The following BLOC1S3 variants were observed in gnomAD, a reference collection of about 807,000 sequenced individuals.
The protein encoded by BLOC1S3 is biogenesis of lysosome-related organelles complex 1 subunit 3.
BLOC1S3 carries 7 observed loss-of-function variants against 9.1 expected under a neutral mutation model. That is an observed-to-expected ratio of 0.77 (90% CI 0.44 to 1.45). The LOEUF (loss-of-function observed/expected upper bound fraction) is 1.45, where lower values mean the gene tolerates loss of function less well. Ranked by LOEUF, BLOC1S3 falls within the 40% of genes most tolerant of loss-of-function variation. The pLI is 0.01. For synonymous variants in BLOC1S3, 145 were observed against 158.4 expected, an observed-to-expected ratio of 0.92 and a Z score of 0.64; for missense variants, 307 against 315.2, an observed-to-expected ratio of 0.97 and a Z score of 0.20.
chr19:45,202,039 T>C (rs889266635), intron 2 of BLOC1S3, among the ~76,000 whole-genome samples: 9 of 151,654 alleles, frequency 5.9e-5, no homozygotes, highest in East Asian at 1.9e-4. Context: ...CTGGCTAACA[T>C]GGTGAAACCC....
chr19:45,179,099 T>A lies in BLOC1S3; in HGVS notation c.-9-189T>A. ...GTCTTCAGTTTCCCCATCTGTACGC[T>A]GAAGAGCCTGGGGTCCAGTAACCCC... On this transcript the variant is annotated intron_variant, in intron 1 of 1. Coordinates refer to ENST00000433642, the MANE Select transcript of BLOC1S3 (RefSeq NM_212550.5). The surrounding 1 kb of genome is among the most constrained non-coding windows in gnomAD (Gnocchi z 4.6). The A allele has an allele frequency of 1.8e-6, 1 of 553,898 alleles. No individual in the cohort carries two copies. Among genetic ancestry groups the A allele is most frequent in the Non-Finnish European group, 2.9e-6 (1 of 345,492 alleles). The allele number at this position is 553,898 out of a possible 1,614,324, so 34.3% of individuals were successfully genotyped here. A position where few individuals can be genotyped will look rare whatever the true frequency, so the allele number is the denominator to read the frequency against.
At chr19:45,205,676 A>C (rs745794404) in intron 3 of BLOC1S3, among the ~76,000 whole-genome samples, 1 of 152,172 alleles carries the variant, frequency 6.6e-6, no homozygotes, top group Non-Finnish European at 1.5e-5. Context: ...CTGCTCTTCA[A>C]CAAACATTAT....
intron 3 of BLOC1S3, among the ~76,000 whole-genome samples, chr19:45,205,758 T>G (rs573521760): frequency 1.3e-5 from 2 of 152,130 alleles, no homozygotes; most frequent in South Asian, 4.1e-4. Flanking sequence ...AAACAACTAG[T>G]ATCCAGATAT....
At chr19:45,216,578 CAAAAATAAAGAAT>C (rs1336796605) in intron 3 of BLOC1S3, 1 of 153,980 alleles carries the variant, frequency 6.5e-6, no homozygotes, top group East Asian at 1.9e-4. Context: ...GACTCTGTCT[CAAAAATAAAGAAT>C]AAAAATAAAA....
chr19:45,179,653 G>A lies in BLOC1S3; in HGVS notation c.357G>A (p.Arg119=). The A allele has an allele frequency of 1.4e-6, 2 of 1,470,352 alleles. No individual in the cohort carries two copies. Among genetic ancestry groups the A allele is most frequent in the Non-Finnish European group, 1.8e-6 (2 of 1,117,096 alleles). The allele number at this position is 1,470,352 out of a possible 1,614,324, so 91.1% of individuals were successfully genotyped here. The change falls in exon 2 of 2, where the codon CGG becomes CGA. Residue 119 remains arginine, a synonymous_variant. Transcript: ENST00000433642. The surrounding 1 kb of genome is among the most constrained non-coding windows in gnomAD (Gnocchi z 4.6). The part of the protein sequence containing the change: ...LQLRLAESQA[R]LDHDVAAAVS... ...TTCGGCTGGCGGAGAGCCAGGCGCG[G>A]CTGGACCACGACGTGGCGGCCGCCG...
intron 3 of BLOC1S3, among the ~76,000 whole-genome samples, chr19:45,214,970 A>G (rs1969818052): frequency 6.6e-6 from 1 of 151,884 alleles, no homozygotes; most frequent in Admixed American, 6.6e-5. Flanking sequence ...AGTGTGGTCA[A>G]CTTGGTGAAA....
chr19:45,194,398 C>T (rs940367729), intron 2 of BLOC1S3, among the ~76,000 whole-genome samples: 3 of 152,146 alleles, frequency 2.0e-5, no homozygotes, highest in African/African-American at 7.2e-5. Context: ...CAGGCATGAG[C>T]CACCGCGCCC....
chr19:45,197,824 CAAAAAAAAAA>C (rs55654938), intron 2 of BLOC1S3, among the ~76,000 whole-genome samples: 1 of 63,588 alleles, frequency 1.6e-5, no homozygotes, highest in Admixed American at 2.1e-4. Flanking sequence ...GACTCCGTCT[CAAAAAAAAAA>C]AAAAAAAAAA....
chr19:45,212,459 C>T (rs8102712), intron 3 of BLOC1S3, among the ~76,000 whole-genome samples: 38,913 of 151,952 alleles, frequency 0.26, 6,391 homozygotes, highest in Middle Eastern at 0.48. Flanking sequence ...GGGAAAGGGG[C>T]GGGGGAGCTG....
chr19:45,183,642 T>TG (rs1969544655), downstream of BLOC1S3, among the ~76,000 whole-genome samples: 1 of 143,172 alleles, frequency 7.0e-6, no homozygotes, highest in Non-Finnish European at 1.5e-5. Flanking sequence ...TTTTTTTTTT[T>TG]TTGATATGGA....
At chr19:45,210,207 T>C (rs1190128951) in intron 3 of BLOC1S3, among the ~76,000 whole-genome samples, 1 of 150,728 alleles carries the variant, frequency 6.6e-6, no homozygotes, top group Non-Finnish European at 1.5e-5. Context: ...GGAGATTGGA[T>C]ATTAACTACA....
chr19:45,216,315 C>T (rs1370252732), intron 3 of BLOC1S3: 3 of 1,368,468 alleles, frequency 2.2e-6, no homozygotes, highest in Non-Finnish European at 2.9e-6. Context: ...GTGGCTCAAG[C>T]CTGTAATCCC....
chr19:45,195,450 G>T (rs996084224), intron 2 of BLOC1S3, among the ~76,000 whole-genome samples: 15 of 151,560 alleles, frequency 9.9e-5, no homozygotes, highest in African/African-American at 3.6e-4. Context: ...CAAGTGATCC[G>T]CCCACTTTGG....
At chr19:45,212,064 G>C (rs962096747) in intron 3 of BLOC1S3, among the ~76,000 whole-genome samples, 1 of 152,172 alleles carries the variant, frequency 6.6e-6, no homozygotes, top group South Asian at 2.1e-4. Context: ...GCAGCTTCCC[G>C]GCTAAGGATG....
chr19:45,185,682 G>T (rs903780096), downstream of BLOC1S3, among the ~76,000 whole-genome samples: 15 of 151,916 alleles, frequency 9.9e-5, no homozygotes, highest in African/African-American at 3.4e-4. Flanking sequence ...TGGCAGGAGG[G>T]AGAGCTGAAG....
At chr19:45,184,931 A>AG (rs1969555893), downstream of BLOC1S3, among the ~76,000 whole-genome samples, 3 of 142,030 alleles carry the variant, frequency 2.1e-5, no homozygotes, top group African/African-American at 7.7e-5. Flanking sequence ...AAAAAAAAAA[A>AG]GGAAGGAAGG....
chr19:45,183,673 C>A (rs1238447652), downstream of BLOC1S3, among the ~76,000 whole-genome samples: 1 of 132,160 alleles, frequency 7.6e-6, no homozygotes, highest in Non-Finnish European at 1.5e-5. Context: ...GTCGTTCAGG[C>A]TGGAGTGCAG....
chr19:45,206,433 T>G lies in BLOC1S3; in HGVS notation n.282+3926T>G, dbSNP rs865915646. Among the ~76,000 whole-genome samples, 4 of 146,820 alleles carry G rather than the reference T, an allele frequency of 2.7e-5. No individual in the cohort carries two copies. The South Asian group carries it at 8.6e-4, about 31-fold the overall frequency. On this transcript the variant is annotated intron_variant and non_coding_transcript_variant, in intron 3 of 3. Transcript: ENST00000591569. ...TGGTCATTGTTCTCTTTTTCCACCT[T>G]CTTTTGGATTAATCAAGTTTTTTTT...
Position 45,180,005 on chromosome 19 carries a change from C to T in BLOC1S3, c.*100C>T, listed in dbSNP as rs1053258669. On this transcript the variant is annotated 3_prime_UTR_variant, in exon 2 of 2. Coordinates refer to ENST00000433642, the MANE Select transcript of BLOC1S3 (RefSeq NM_212550.5). ...TGTGTCTCTTATCACCCCCCACCCC[C>T]GCTCCCATCTTGGTGTCACCCATGG... The T allele has an allele frequency of 1.4e-5, 20 of 1,402,724 alleles. No individual in the cohort carries two copies. The highest frequency in any genetic ancestry group is 1.9e-5 in the Non-Finnish European group (20 of 1,031,224). The allele number at this position is 1,402,724 out of a possible 1,614,324, so 86.9% of individuals were successfully genotyped here. A position where few individuals can be genotyped will look rare whatever the true frequency, so the allele number is the denominator to read the frequency against.
Sources: allele counts gnomAD v4.1 joint callset (sites outside exome capture counted in the v4.1 genomes callset), GRCh38; gene constraint gnomAD v4.1.1; non-coding constraint Gnocchi (gnomAD v3.1); transcripts MANE v1.5; gene names NCBI Gene and HGNC (gene_info 2026-07-23, HGNC 2026-07-21).